Variants in AP4S1 observed in about 807,000 individuals in gnomAD.
AP4S1 encodes the protein AP-4 complex subunit sigma-1.
AP4S1 carries 23 observed loss-of-function variants against 19.8 expected under a neutral mutation model. That is an observed-to-expected ratio of 1.16 (90% confidence interval 0.84 to 1.65). AP4S1 has a LOEUF of 1.65. Ranked by LOEUF, AP4S1 falls within the 40% of genes most tolerant of loss-of-function variation. The probability of loss-of-function intolerance (pLI) is 0.00; values close to 1 mark genes in which losing one functional copy is unlikely to be tolerated. For synonymous variants in AP4S1, 46 were observed against 54.1 expected, an observed-to-expected ratio of 0.85 and a Z score of 0.66; for missense variants, 166 against 172.8, an observed-to-expected ratio of 0.96 and a Z score of 0.22.
intron 4 of AP4S1, 118 bp from the exon 5 acceptor site, chr14:31,080,455 G>A: frequency 4.9e-6 from 4 of 821,672 alleles, no homozygotes; most frequent in Non-Finnish European, 8.2e-6. Context: ...ACCAAGCCCA[G>A]AAGCAGGTAG....
chr14:31,085,771 TTAAAAA>T (rs1377656185), intron 5 of AP4S1: 1 of 960,566 alleles, frequency 1.0e-6, no homozygotes, highest in Admixed American at 6.2e-5. Flanking sequence ...GACCTTGTCT[TTAAAAA>T]TAAAAATAAA....
In AP4S1 at chr14:31,029,129, TC is replaced by T. The variant is rs376556083; in HGVS notation, c.-72+3343del. ...TAGCAGTCATTCTACTACCTTTCAG[TC>T]AGCCCCCACAAACCAATTTCATTCT... On this transcript the variant is annotated intron_variant, in intron 1 of 5. Transcript: ENST00000542754. Among the ~76,000 whole-genome samples, 577 of 152,294 alleles carry T rather than the reference TC, an allele frequency of 3.8e-3. 2 individuals are homozygous for T. Among genetic ancestry groups the T allele is most frequent in the African/African-American group, 0.013 (542 of 41,570 alleles).
At chr14:31,025,818 G>C in intron 1 of AP4S1, 31 bp downstream of exon 1, 1 of 1,522,242 alleles carries the variant, frequency 6.6e-7, no homozygotes, top group Non-Finnish European at 8.8e-7. Flanking sequence ...CAAGGCGCCG[G>C]CTCCGGCTGA....
In AP4S1 at chr14:31,080,486, G is replaced by A. The variant is rs1594706110; in HGVS notation, c.295-87G>A. ...GGTAGGAGAGGCCGCTGCTATGGAC[G>A]CAGAAGCCTCTTCAGTCTGACTCTG... On this transcript the variant is annotated intron_variant, in intron 4 of 5. Transcript: ENST00000542754. 6.1e-5 allele frequency: 70 copies of A among 1,146,110 alleles called. 1 individual carries two copies. In the South Asian group the frequency reaches 6.7e-4, roughly 11 times the overall value. The allele number at this position is 1,146,110 out of a possible 1,614,324, so 71.0% of individuals were successfully genotyped here. A position where few individuals can be genotyped will look rare whatever the true frequency, so the allele number is the denominator to read the frequency against.
chr14:31,072,768 T>G, intron 3 of AP4S1, 137 bp from the exon 4 acceptor site: 1 of 702,402 alleles, frequency 1.4e-6, no homozygotes, highest in Non-Finnish European at 2.6e-6. Flanking sequence ...TATTTGTCAG[T>G]GGGAGGCTAC....
chr14:31,095,881 C>T lies in AP4S1; in HGVS notation c.*2846C>T, dbSNP rs1224224447. ...GGTAGATCATTTGAGGTCAGGAGTT[C>T]AAGACCAGCTTGGCCAACATGGTGA... On this transcript the variant is annotated 3_prime_UTR_variant, in exon 6 of 6. Coordinates refer to ENST00000542754, the MANE Select transcript of AP4S1 (RefSeq NM_001128126.3). 1.3e-5 allele frequency: 2 copies of T among 151,746 alleles called. No individual in the cohort carries two copies. The highest frequency in any genetic ancestry group is 4.8e-5 in the African/African-American group (2 of 41,312). The allele number at this position is 151,746 out of a possible 1,614,324, so 9.4% of individuals were successfully genotyped here. A position where few individuals can be genotyped will look rare whatever the true frequency, so the allele number is the denominator to read the frequency against.
intron 4 of AP4S1, among the ~76,000 whole-genome samples, chr14:31,079,987 A>G (rs1887555295): frequency 6.6e-6 from 1 of 152,230 alleles, no homozygotes. Flanking sequence ...TGACCTTTAT[A>G]CATACATACA....
At position 31,080,626 on chromosome 14, in the gene AP4S1, G is replaced by A. The variant is rs74807133; in HGVS notation, c.306+42G>A. On this transcript the variant is annotated intron_variant, in intron 5 of 5. Coordinates refer to ENST00000542754, the MANE Select transcript of AP4S1 (RefSeq NM_001128126.3). ...CTGTTTTCCACAGTACTTGGCAAAT[G>A]CACTCTGGTCCTTATCAGGTAAGTA... 1,163 of 1,613,440 alleles carry A rather than the reference G, an allele frequency of 7.2e-4. 13 individuals carry two copies. In the East Asian group the frequency reaches 0.014, roughly 20 times the overall value.
chr14:31,026,063 C>G, intron 1 of AP4S1: 1 of 1,520,370 alleles, frequency 6.6e-7, no homozygotes, highest in Non-Finnish European at 8.8e-7. Flanking sequence ...CCGGAGGACC[C>G]CCGCCGCCCG....
chr14:31,054,891 AAAAAAC>A (rs1446156004), intron 1 of AP4S1, among the ~76,000 whole-genome samples: 15 of 148,672 alleles, frequency 1.0e-4, no homozygotes, highest in Non-Finnish European at 1.9e-4. Context: ...AAAAAAAAAA[AAAAAAC>A]AGTGACAGGT....
At chr14:31,059,277 T>C (rs1886301166) in intron 1 of AP4S1, among the ~76,000 whole-genome samples, 1 of 152,226 alleles carries the variant, frequency 6.6e-6, no homozygotes, top group Non-Finnish European at 1.5e-5. Context: ...AACATCCTAA[T>C]GAATATCAAT....
intron 5 of AP4S1, among the ~76,000 whole-genome samples, chr14:31,081,130 C>T (rs951790793): frequency 2.0e-5 from 3 of 152,076 alleles, no homozygotes; most frequent in Admixed American, 6.6e-5. Context: ...GGCAGGATAG[C>T]GCTATCATAG....
intron 1 of AP4S1, among the ~76,000 whole-genome samples, chr14:31,054,605 C>T (rs1230941991): frequency 6.6e-6 from 1 of 152,032 alleles, no homozygotes; most frequent in African/African-American, 2.4e-5. Context: ...TTGCTTGAAC[C>T]CTGGAGGGTT....
Position 31,081,702 on chromosome 14 carries a change from ATGTT to A in AP4S1, c.306+1120_306+1123del, listed in dbSNP as rs201127088. 5.0e-3 allele frequency among the ~76,000 whole-genome samples: 755 copies of A among 151,672 alleles called. 7 individuals carry two copies. Among genetic ancestry groups the A allele is most frequent in the African/African-American group, 0.017 (706 of 41,434 alleles). ...TAACAACTATATATGAATTATAACA[ATGTT>A]TATGTGTATATATACATACATGTAT... On this transcript the variant is annotated intron_variant, in intron 5 of 5. Coordinates refer to ENST00000542754, the MANE Select transcript of AP4S1 (RefSeq NM_001128126.3).
intron 1 of AP4S1, among the ~76,000 whole-genome samples, chr14:31,056,654 C>T (rs145058115): frequency 1.7e-3 from 252 of 152,304 alleles, no homozygotes; most frequent in African/African-American, 5.9e-3. Flanking sequence ...CCACCGTGCC[C>T]AGCCTATACT....
chr14:31,041,386 G>T (rs1337219389), intron 1 of AP4S1, among the ~76,000 whole-genome samples: 1 of 152,092 alleles, frequency 6.6e-6, no homozygotes, highest in Admixed American at 6.5e-5. Context: ...CTGACCTCAG[G>T]TATCCGCCTG....
chr14:31,083,347 T>C (rs1239348932), intron 5 of AP4S1: 7 of 406,668 alleles, frequency 1.7e-5, no homozygotes, highest in Non-Finnish European at 3.4e-5. Context: ...AATTAGGAAT[T>C]TTACATCATT....
intron 1 of AP4S1, among the ~76,000 whole-genome samples, chr14:31,036,979 A>ATTTTTTT: frequency 1.3e-5 from 2 of 151,850 alleles, no homozygotes; most frequent in African/African-American, 4.8e-5. Flanking sequence ...TGCCCGGCTA[A>ATTTTTTT]TTTTTTGTAT....
rs145850939 is a variant in AP4S1, at chr14:31,062,274, T to C, written c.-71-3852T>C. Among the ~76,000 whole-genome samples, 139 of 152,142 alleles carry C rather than the reference T, an allele frequency of 9.1e-4. No individual in the cohort carries two copies. In the East Asian group the frequency reaches 0.017, roughly 19 times the overall value. ...CCACCATGTCCAGCTAATTTTTGTA[T>C]TTTTAGTAGAGATAGGGTTTCACCA... is the stretch of plus-strand genomic sequence containing the variant. On this transcript the variant is annotated intron_variant, in intron 1 of 5. Coordinates refer to ENST00000542754, the MANE Select transcript of AP4S1 (RefSeq NM_001128126.3).
Sources: gnomAD v4.1 joint callset for allele counts (sites outside exome capture counted in the v4.1 genomes callset) on GRCh38, gnomAD v4.1.1 for gene constraint, MANE v1.5 for transcripts, NCBI Gene and HGNC (gene_info 2026-07-23, HGNC 2026-07-21) for gene names.